CCDC171: variants seen among roughly 807,000 people sequenced by gnomAD.
The protein encoded by CCDC171 is coiled-coil domain containing 171, also known as coiled-coil domain-containing protein 171.
A neutral mutation model predicts 168.2 loss-of-function variants in CCDC171; 177 were observed. The ratio of observed to expected loss-of-function variants is 1.05; its 90% CI spans 0.93 to 1.19. CCDC171 has a LOEUF of 1.19. Ranked by LOEUF, CCDC171 falls within the 50% of genes most tolerant of loss-of-function variation. The pLI, the probability that CCDC171 is intolerant of heterozygous loss-of-function variation, is 0.00. For missense variants in CCDC171, 1,991 were observed against 1,539.0 expected, an observed-to-expected ratio of 1.29 and a Z score of -4.91; for synonymous variants, 687 against 540.8, an observed-to-expected ratio of 1.27 and a Z score of -3.75.
intron 25 of CCDC171, among the ~76,000 whole-genome samples, chr9:15,933,019 T>G (rs1355502479): frequency 2.0e-5 from 3 of 152,028 alleles, no homozygotes; most frequent in Non-Finnish European, 4.4e-5. Flanking sequence ...AAAGTTTGCC[T>G]CTATGTTCAT....
rs781177350 is a variant in CCDC171, at chr9:15,723,618, G to A, written c.1426-63G>A. 2.2e-5 allele frequency: 27 copies of A among 1,229,916 alleles called. No individual in the cohort carries two copies. The African/African-American group carries it at 3.1e-4, about 14-fold the overall frequency. The allele number at this position is 1,229,916 out of a possible 1,614,324, so 76.2% of individuals were successfully genotyped here. On this transcript the variant is annotated intron_variant, in intron 12 of 25. Coordinates refer to ENST00000380701, the MANE Select transcript of CCDC171 (RefSeq NM_173550.4). ...ATTAACTTTTGAGTTACCCATCCTTGAAAAATGTAAAAAAGTTACTTATAT... is the reference window on the plus strand; with the variant it reads ...ATTAACTTTTGAGTTACCCATCCTTAAAAAATGTAAAAAAGTTACTTATAT...
At chr9:15,674,066 G>C (rs766771653) in intron 9 of CCDC171, among the ~76,000 whole-genome samples, 3 of 152,040 alleles carry the variant, frequency 2.0e-5, no homozygotes, top group Non-Finnish European at 2.9e-5. Context: ...CTTCTTTCTG[G>C]TTTAGTCTTG....
chr9:15,613,443 T>C (rs1352574382), intron 6 of CCDC171, among the ~76,000 whole-genome samples: 1 of 152,074 alleles, frequency 6.6e-6, no homozygotes, highest in African/African-American at 2.4e-5. Flanking sequence ...TATTAAACAT[T>C]GAAATAAATG....
chr9:16,032,960 T>C (rs1392126773), intron 6 of CCDC171, among the ~76,000 whole-genome samples: 1 of 152,128 alleles, frequency 6.6e-6, no homozygotes, highest in African/African-American at 2.4e-5. Context: ...CTCCCCAAGA[T>C]CCACATTCTT....
intron 25 of CCDC171, chr9:15,922,185 C>T (rs370067560): frequency 2.0e-4 from 79 of 400,316 alleles, no homozygotes; most frequent in African/African-American, 1.5e-3. Context: ...GCGAAACATT[C>T]CCCCAGGTGA....
intron 1 of CCDC171, among the ~76,000 whole-genome samples, chr9:16,051,653 A>G (rs1833751911): frequency 6.6e-6 from 1 of 152,196 alleles, no homozygotes; most frequent in Non-Finnish European, 1.5e-5. Flanking sequence ...GTGCACCATG[A>G]TGGATCTGGA....
At chr9:15,584,743 C>G in intron 4 of CCDC171, among the ~76,000 whole-genome samples, 1 of 152,134 alleles carries the variant, frequency 6.6e-6, no homozygotes, top group Non-Finnish European at 1.5e-5. Flanking sequence ...GCATACCAAG[C>G]CACCATAATT....
At chr9:15,767,268 C>T (rs2056773876) in intron 18 of CCDC171, among the ~76,000 whole-genome samples, 1 of 152,112 alleles carries the variant, frequency 6.6e-6, no homozygotes. Context: ...CTTCCGGAGG[C>T]TGTAAGGGTG....
intron 24 of CCDC171, among the ~76,000 whole-genome samples, chr9:15,908,617 C>T (rs1329002367): frequency 6.6e-6 from 1 of 152,108 alleles, no homozygotes; most frequent in East Asian, 1.9e-4. Flanking sequence ...AACTAACCTG[C>T]ACGTTGTGCA....
the CCDC171 span, among the ~76,000 whole-genome samples, chr9:16,068,391 T>C: frequency 1.3e-5 from 2 of 152,010 alleles, no homozygotes; most frequent in Non-Finnish European, 2.9e-5. Flanking sequence ...CCCAAGGTAA[T>C]TTACAGATTC....
At chr9:15,855,044 A>G (rs984390336) in intron 23 of CCDC171, among the ~76,000 whole-genome samples, 8 of 151,652 alleles carry the variant, frequency 5.3e-5, no homozygotes, top group African/African-American at 1.7e-4. Flanking sequence ...TTAAAAGAAT[A>G]TGTATTCTTT....
At chr9:16,000,039 G>C (rs912287309) in intron 3 of CCDC171, among the ~76,000 whole-genome samples, 1 of 152,172 alleles carries the variant, frequency 6.6e-6, no homozygotes, top group African/African-American at 2.4e-5. Flanking sequence ...TATGGCAAAA[G>C]CATAATGCCC....
the CCDC171 span, among the ~76,000 whole-genome samples, chr9:16,102,184 C>T: frequency 6.6e-6 from 1 of 152,142 alleles, no homozygotes; most frequent in Non-Finnish European, 1.5e-5. Flanking sequence ...TCCTGTGAGC[C>T]TCCTCCACAG....
At chr9:15,917,774 T>C (rs1298927130) in intron 24 of CCDC171, among the ~76,000 whole-genome samples, 1 of 151,766 alleles carries the variant, frequency 6.6e-6, no homozygotes, top group East Asian at 1.9e-4. Flanking sequence ...TCAATTCTCT[T>C]GTGACTTACA....
At chr9:16,070,126 G>C in the CCDC171 span, among the ~76,000 whole-genome samples, 1 of 152,126 alleles carries the variant, frequency 6.6e-6, no homozygotes, top group African/African-American at 2.4e-5. Context: ...CCAATGAGCT[G>C]AAGCGGCCTG....
chr9:16,017,568 T>G (rs2133010039), intron 3 of CCDC171, among the ~76,000 whole-genome samples: 1 of 152,332 alleles, frequency 6.6e-6, no homozygotes, highest in East Asian at 1.9e-4. Context: ...TTCTTAATTC[T>G]TATTACCTCA....
rs572699305 is a variant in CCDC171, at chr9:15,617,587, A to G, written c.676-5680A>G. Among the ~76,000 whole-genome samples, 131 of 152,186 alleles carry G rather than the reference A, an allele frequency of 8.6e-4. 2 individuals carry two copies. In the South Asian group the frequency reaches 0.026, roughly 30 times the overall value. Reference sequence around the variant, plus strand: ...GAGACGGGGTTTCACCATGTTAGCCAGGATAGTCTTGATGTCCTGACCTCC... The same window carrying G: ...GAGACGGGGTTTCACCATGTTAGCCGGGATAGTCTTGATGTCCTGACCTCC... On this transcript the variant is annotated intron_variant, in intron 6 of 25. Transcript: ENST00000380701.
Position 15,744,454 on chromosome 9 carries a change from G to C in CCDC171, c.2231G>C (p.Arg744Pro). The change falls in exon 17 of 26, where the codon CGA becomes CCA. Residue 744 changes from arginine (R) to proline (P), a missense_variant. Physicochemically the swap from Arg to Pro is moderately radical, Grantham distance 103. Coordinates refer to ENST00000380701, the MANE Select transcript of CCDC171 (RefSeq NM_173550.4). Reference sequence around the variant, plus strand: ...GGTGCCTTATATCCCCTCTATAGCCGATCATGCGCCTTGTCTACACAGAGA... The same window carrying C: ...GGTGCCTTATATCCCCTCTATAGCCCATCATGCGCCTTGTCTACACAGAGA... Reference protein sequence around the residue: ...MAGALYPLYSRSCALSTQRDF... With the variant: ...MAGALYPLYSPSCALSTQRDF... 2 of 1,614,086 alleles carry C rather than the reference G, an allele frequency of 1.2e-6. No homozygotes were observed. The highest frequency in any genetic ancestry group is 1.7e-6 in the Non-Finnish European group (2 of 1,180,012).
rs1433563373 is a variant in CCDC171 at position 15,728,036 on chromosome 9, G to A, written c.1860G>A (p.Lys620=). 7.5e-6 allele frequency: 12 copies of A among 1,607,254 alleles called. No individual in the cohort carries two copies. The highest frequency in any genetic ancestry group is 9.3e-6 in the Non-Finnish European group (11 of 1,176,570). The change falls in exon 15 of 26, where the codon AAG becomes AAA. Residue 620 remains lysine (K), a splice_region_variant and synonymous_variant. Coordinates refer to ENST00000380701, the MANE Select transcript of CCDC171 (RefSeq NM_173550.4). ...LIADLNRANE[K]IRHLEYICKN... is the part of the protein sequence containing the mutation. ...CAGACCTCAACAGGGCTAATGAGAA[G>A]GTAACTGTCCTCAGGCACCAGATAC...
Sources: allele counts gnomAD v4.1 joint callset (sites outside exome capture counted in the v4.1 genomes callset), GRCh38; gene constraint gnomAD v4.1.1; transcripts MANE v1.5; gene names NCBI Gene and HGNC (gene_info 2026-07-23, HGNC 2026-07-21).